CYYR1: variants seen among roughly 807,000 people sequenced by gnomAD.
The protein encoded by CYYR1 is cysteine and tyrosine rich 1.
In CYYR1, 14 loss-of-function variants were observed where a neutral mutation model predicts 15.2. The observed-to-expected ratio is 0.92, with a 90% CI of 0.61 to 1.44. CYYR1 has a LOEUF of 1.44. Ranked by LOEUF, CYYR1 falls within the 40% of genes most tolerant of loss-of-function variation. CYYR1 has a pLI of 0.00. For missense variants in CYYR1, 228 were observed against 209.5 expected, an observed-to-expected ratio of 1.09 and a Z score of -0.54; for synonymous variants, 80 against 77.4, an observed-to-expected ratio of 1.03 and a Z score of -0.18.
rs2064978831 is a variant in CYYR1, at chr21:26,467,228, T to C, written c.*1273A>G. 1 of 152,282 alleles carries C rather than the reference T, an allele frequency of 6.6e-6. No individual in the cohort carries two copies. Among genetic ancestry groups the C allele is most frequent in the Admixed American group, 6.5e-5 (1 of 15,292 alleles). The allele number at this position is 152,282 out of a possible 1,614,324, so 9.4% of individuals were successfully genotyped here. A position where few individuals can be genotyped will look rare whatever the true frequency, so the allele number is the denominator to read the frequency against. ...TTTTATAAATACATGAAACAATTCA[T>C]ATAAAAATATAAATGTTAAGGTCAC... is the stretch of plus-strand genomic sequence containing the variant. On this transcript the variant is annotated 3_prime_UTR_variant, in exon 4 of 4. Coordinates refer to ENST00000652641, the MANE Select transcript of CYYR1 (RefSeq NM_001320768.2).
rs558555289 is a variant in CYYR1 at position 26,533,199 on chromosome 21, G to C, written c.176+33067C>G. On this transcript the variant is annotated intron_variant, in intron 2 of 3. Coordinates refer to ENST00000652641, the MANE Select transcript of CYYR1 (RefSeq NM_001320768.2). ...ACTATAGTAAATACATATTTTTACTGTTTACTAATTTATACATATATATTA... is the reference window on the plus strand; with the variant it reads ...ACTATAGTAAATACATATTTTTACTCTTTACTAATTTATACATATATATTA... Among the ~76,000 whole-genome samples, 222 of 148,216 alleles carry C rather than the reference G, an allele frequency of 1.5e-3. 2 individuals carry two copies. The highest frequency in any genetic ancestry group is 5.0e-3 in the African/African-American group (204 of 40,564).
chr21:26,564,821 A>C, intron 2 of CYYR1: 1 of 1,247,816 alleles, frequency 8.0e-7, no homozygotes, highest in South Asian at 1.4e-5. Context: ...CTGGGACAGC[A>C]GCATCTGGTA....
At chr21:26,504,854 C>T (rs2065533245) in intron 2 of CYYR1, among the ~76,000 whole-genome samples, 3 of 152,114 alleles carry the variant, frequency 2.0e-5, no homozygotes, top group African/African-American at 7.2e-5. Flanking sequence ...CTCCCTATGT[C>T]CGTGAGTTGA....
intron 2 of CYYR1, among the ~76,000 whole-genome samples, chr21:26,539,945 C>A (rs372241559): frequency 1.7e-4 from 26 of 152,262 alleles, no homozygotes; most frequent in Admixed American, 1.1e-3. Context: ...AGCATATCTC[C>A]TTTTCTCTGA....
intron 3 of CYYR1, among the ~76,000 whole-genome samples, chr21:26,469,043 T>C (rs1389952751): frequency 6.6e-6 from 1 of 152,194 alleles, no homozygotes; most frequent in East Asian, 1.9e-4. Context: ...GTATAACATG[T>C]AGCTATCAGA....
intron 2 of CYYR1, chr21:26,564,849 A>G (rs1272398947): frequency 1.2e-5 from 14 of 1,155,572 alleles, no homozygotes; most frequent in African/African-American, 1.6e-5. Flanking sequence ...ACAGTTTGAG[A>G]AAAAAAAAAT....
chr21:26,481,097 A>C (rs2065174173), intron 2 of CYYR1, among the ~76,000 whole-genome samples: 1 of 152,192 alleles, frequency 6.6e-6, no homozygotes, highest in Non-Finnish European at 1.5e-5. Flanking sequence ...ATAGAAAAAA[A>C]AGCCGAATAG....
In CYYR1 at chr21:26,526,362, C is replaced by T. The variant is rs939052962; in HGVS notation, c.176+39904G>A. On this transcript the variant is annotated intron_variant, in intron 2 of 3. Coordinates refer to ENST00000652641, the MANE Select transcript of CYYR1 (RefSeq NM_001320768.2). ...ACTCGGGAGGCTGAGGCAGGAGATT[C>T]GCTTGAAACTGGGAGGTGGAGTTTG... 5.3e-5 allele frequency among the ~76,000 whole-genome samples: 8 copies of T among 152,114 alleles called. No individual in the cohort carries two copies. In the East Asian group the frequency reaches 9.7e-4, roughly 18 times the overall value.
At chr21:26,538,006 T>C (rs1341642278) in intron 2 of CYYR1, among the ~76,000 whole-genome samples, 1 of 152,208 alleles carries the variant, frequency 6.6e-6, no homozygotes, top group African/African-American at 2.4e-5. Context: ...GCAATCAGTC[T>C]ACGTTGTTTT....
chr21:26,472,921 A>T (rs2123368917), intron 3 of CYYR1, among the ~76,000 whole-genome samples: 1 of 152,204 alleles, frequency 6.6e-6, no homozygotes, highest in Middle Eastern at 3.4e-3. Flanking sequence ...ATGCTTCGCT[A>T]CATGTGTTAT....
chr21:26,549,213 C>CT (rs1979202696), intron 2 of CYYR1, among the ~76,000 whole-genome samples: 5 of 152,258 alleles, frequency 3.3e-5, no homozygotes, highest in African/African-American at 1.2e-4. Flanking sequence ...TCATGTGCTA[C>CT]TTTTTTCATG....
intron 2 of CYYR1, chr21:26,564,684 G>A: frequency 9.2e-7 from 1 of 1,090,470 alleles, no homozygotes; most frequent in East Asian, 7.3e-5. Flanking sequence ...TATGGAGTGA[G>A]AAAGAGGGCA....
chr21:26,545,452 A>AATAATAAGC (rs1978893493), intron 2 of CYYR1, among the ~76,000 whole-genome samples: 1 of 152,096 alleles, frequency 6.6e-6, no homozygotes, highest in South Asian at 2.1e-4. Flanking sequence ...ATAGAAAGAT[A>AATAATAAGC]ATAATAAGCA....
chr21:26,514,069 A>T (rs918145022), intron 2 of CYYR1, among the ~76,000 whole-genome samples: 12 of 151,302 alleles, frequency 7.9e-5, no homozygotes, highest in African/African-American at 2.4e-4. Flanking sequence ...ATAATAATAA[A>T]AAAAAAAACC....
At chr21:26,478,070 C>T in intron 3 of CYYR1, 4 of 1,549,376 alleles carry the variant, frequency 2.6e-6, no homozygotes, top group Non-Finnish European at 1.7e-6. Flanking sequence ...CAGGCCTGGT[C>T]TTACATGCTT....
At chr21:26,572,744 G>C in intron 1 of CYYR1, 124 bp downstream of exon 1, 2 of 1,208,414 alleles carry the variant, frequency 1.7e-6, no homozygotes, top group East Asian at 5.6e-5. Context: ...GGAAAAGGCA[G>C]AAGCGTCTGC....
chr21:26,557,151 G>T (rs1277404862), intron 2 of CYYR1, among the ~76,000 whole-genome samples: 1 of 152,106 alleles, frequency 6.6e-6, no homozygotes, highest in Admixed American at 6.6e-5. Context: ...CTATTCTGAA[G>T]GTTAATTAAC....
chr21:26,499,297 CAGAAAA>C lies in CYYR1; in HGVS notation c.177-18874_177-18869del, dbSNP rs536360403. ...GGACACACAGGGGCGATGTGACAGA[CAGAAAA>C]AGAGAAGGCCATGTGACTGTAGAGG... On this transcript the variant is annotated intron_variant, in intron 2 of 3. Transcript: ENST00000652641. Among the ~76,000 whole-genome samples the C allele has an allele frequency of 1.3e-3, 198 of 152,170 alleles. 1 individual carries two copies. Among genetic ancestry groups the C allele is most frequent in the African/African-American group, 4.6e-3 (193 of 41,524 alleles).
chr21:26,502,130 A>G (rs767822359), intron 2 of CYYR1, among the ~76,000 whole-genome samples: 2 of 152,224 alleles, frequency 1.3e-5, no homozygotes, highest in Non-Finnish European at 2.9e-5. Flanking sequence ...AAATCTAATG[A>G]AATCAAGCAG....
Sources: gnomAD v4.1 joint callset for allele counts (sites outside exome capture counted in the v4.1 genomes callset) on GRCh38, gnomAD v4.1.1 for gene constraint, MANE v1.5 for transcripts, NCBI Gene and HGNC (gene_info 2026-07-23, HGNC 2026-07-21) for gene names.